The following ZNF143 variants were observed in gnomAD, a reference collection of about 807,000 sequenced individuals.
ZNF143 encodes SPH-binding factor.
ZNF143 carries 49 observed loss-of-function variants against 74.1 expected under a neutral mutation model. The ratio of observed to expected loss-of-function variants is 0.66; its 90% confidence interval spans 0.53 to 0.84. ZNF143 has a LOEUF of 0.84. Among genes scored for constraint, ZNF143 ranks in the 40% least tolerant of loss-of-function variants. ZNF143 has a pLI of 0.00. For synonymous variants in ZNF143, 304 were observed against 282.8 expected (o/e 1.07, Z -0.75); for missense variants, 637 against 793.4 (o/e 0.80, Z 2.37).
At position 9,494,739 on chromosome 11, in the gene ZNF143, TTA is replaced by T. The variant is rs1396657429; in HGVS notation, c.744_745del (p.Thr249AsnfsTer9). 6.2e-7 allele frequency: 1 copy of T among 1,611,934 alleles called. No individual in the cohort carries two copies. Among genetic ancestry groups the T allele is most frequent in the Admixed American group, 1.7e-5 (1 of 60,010 alleles). ...FRCEYDGCGK[L>X]YTTAHHLKVH... is the part of the protein sequence containing the mutation. ...ATGTGAATATGATGGATGTGGAAAA[TTA>T]TATACAACAGCTCATCATCTCAAGG... On this transcript the variant is annotated frameshift_variant, in exon 8 of 16. Transcript: ENST00000396602. LOFTEE classifies it high-confidence loss of function.
chr11:9,517,168 G>T (rs1848753196), intron 14 of ZNF143, among the ~76,000 whole-genome samples: 1 of 151,764 alleles, frequency 6.6e-6, no homozygotes, highest in Non-Finnish European at 1.5e-5. Context: ...GGGATTACAG[G>T]CATGAGCCAC....
chr11:9,465,831 C>A (rs1380521856), intron 1 of ZNF143, among the ~76,000 whole-genome samples: 1 of 151,468 alleles, frequency 6.6e-6, no homozygotes, highest in Non-Finnish European at 1.5e-5. Context: ...TGTTTGTTTT[C>A]TTTTTTTGCT....
At chr11:9,474,434 A>G in intron 4 of ZNF143, 116 bp from the exon 5 acceptor site, 2 of 1,020,848 alleles carry the variant, frequency 2.0e-6, no homozygotes, top group Non-Finnish European at 3.0e-6. Flanking sequence ...TCAAAGACTC[A>G]TGAAGCAAGT....
rs1249672274 is a variant in ZNF143 at position 9,484,627 on chromosome 11, T to A, written c.645+5081T>A. ...GGTGTTTTTTTTTTTTTGTTTATTT[T>A]TTGTTTTTTGAGATGGAGTCTCACT... On this transcript the variant is annotated intron_variant, in intron 7 of 15. Coordinates refer to ENST00000396602, the MANE Select transcript of ZNF143 (RefSeq NM_003442.6). 2.0e-5 allele frequency among the ~76,000 whole-genome samples: 3 copies of A among 148,646 alleles called. 1 individual carries two copies. Among genetic ancestry groups the A allele is most frequent in the African/African-American group, 5.1e-5 (2 of 39,422 alleles).
At chr11:9,515,663 AAAAAAGAAAAAG>A (rs1325841434) in intron 13 of ZNF143, among the ~76,000 whole-genome samples, 1 of 146,578 alleles carries the variant, frequency 6.8e-6, no homozygotes. Context: ...CAAAAAAAAA[AAAAAAGAAAAAG>A]AAAAAGAAAA....
intron 12 of ZNF143, 134 bp downstream of exon 12, chr11:9,508,980 C>T: frequency 1.1e-6 from 1 of 944,088 alleles, no homozygotes; most frequent in Non-Finnish European, 1.6e-6. Flanking sequence ...TTTACAGCTG[C>T]AGTAAGTGCT....
intron 7 of ZNF143, among the ~76,000 whole-genome samples, chr11:9,483,289 T>TTTTA (rs1554963677): frequency 5.4e-5 from 2 of 37,066 alleles, no homozygotes; most frequent in African/African-American, 2.6e-4. Context: ...CCAACATGCC[T>TTTTA]TTTTTTTTTT....
intron 11 of ZNF143, among the ~76,000 whole-genome samples, chr11:9,507,193 C>G (rs117673703): frequency 3.3e-5 from 5 of 152,096 alleles, no homozygotes; most frequent in Non-Finnish European, 7.4e-5. Context: ...AGAACCACTG[C>G]GAAAGGTGCA....
At chr11:9,478,868 A>C (rs920571517) in intron 6 of ZNF143, among the ~76,000 whole-genome samples, 1 of 152,170 alleles carries the variant, frequency 6.6e-6, no homozygotes, top group Admixed American at 6.5e-5. Flanking sequence ...CATTTATCTT[A>C]AGTGAAGTGT....
chr11:9,473,995 A>T lies in ZNF143; in HGVS notation c.260A>T (p.Tyr87Phe), dbSNP rs1856737782. The change falls in exon 4 of 16, where the codon TAT becomes TTT. Residue 87 changes from tyrosine to phenylalanine, a missense_variant. Tyr to Phe is a conservative substitution (Grantham distance 22, BLOSUM62 3). Transcript: ENST00000396602. ...CAGTTGGAAGATGGTTCTGCGGCCT[A>T]TGTTCAACATGTACCCATACCTAAA... ...VIQLEDGSAAYVQHVPIPKST... is the reference protein window; with the variant it reads ...VIQLEDGSAAFVQHVPIPKST... 1 of 1,613,724 alleles carries T rather than the reference A, an allele frequency of 6.2e-7. No individual in the cohort carries two copies. The highest frequency in any genetic ancestry group is 1.1e-5 in the South Asian group (1 of 91,082).
intron 11 of ZNF143, among the ~76,000 whole-genome samples, chr11:9,505,994 A>G (rs1020423573): frequency 6.6e-6 from 1 of 151,310 alleles, no homozygotes; most frequent in Non-Finnish European, 1.5e-5. Context: ...GGCTTTTTGG[A>G]TGGGCTGGGA....
chr11:9,522,936 T>G (rs1848989155), intron 14 of ZNF143, among the ~76,000 whole-genome samples: 1 of 150,972 alleles, frequency 6.6e-6, no homozygotes, highest in Non-Finnish European at 1.5e-5. Flanking sequence ...TAATTTTTTG[T>G]ATTTTTTTTT....
At position 9,463,559 on chromosome 11, in the gene ZNF143, C is replaced by T. The variant is rs931830673; in HGVS notation, c.-8+2483C>T. ...TGTTGAGCATTTTTTCTGTGCCTAACGATCATTTATAATCATTGGAGAAAT... is the reference window on the plus strand; with the variant it reads ...TGTTGAGCATTTTTTCTGTGCCTAATGATCATTTATAATCATTGGAGAAAT... On this transcript the variant is annotated intron_variant, in intron 1 of 15. Coordinates refer to ENST00000396602, the MANE Select transcript of ZNF143 (RefSeq NM_003442.6). Among the ~76,000 whole-genome samples, 3 of 152,262 alleles carry T rather than the reference C, an allele frequency of 2.0e-5. No homozygotes were observed. In the East Asian group the frequency reaches 5.8e-4, roughly 29 times the overall value.
chr11:9,479,368 T>C (rs1235357300), intron 6 of ZNF143, 104 bp from the exon 7 acceptor site: 1 of 826,402 alleles, frequency 1.2e-6, no homozygotes, highest in East Asian at 3.2e-5. Flanking sequence ...TACTTTTTTT[T>C]CTTTTTCTTT....
intron 7 of ZNF143, among the ~76,000 whole-genome samples, chr11:9,481,332 A>AGCTGATTGT (rs1194531098): frequency 1.3e-5 from 2 of 152,038 alleles, no homozygotes; most frequent in East Asian, 3.9e-4. Flanking sequence ...AGTTATAGTG[A>AGCTGATTGT]GCTGATTGTG....
Position 9,527,739 on chromosome 11 carries a change from C to T in ZNF143, c.*126C>T, listed in dbSNP as rs1250742832. The T allele has an allele frequency of 1.6e-5, 12 of 767,870 alleles. No homozygotes were observed. Among genetic ancestry groups the T allele is most frequent in the South Asian group, 5.3e-5 (3 of 56,174 alleles). 47.6% of individuals were successfully genotyped at this position (767,870 alleles called of 1,614,324 possible). A position where few individuals can be genotyped will look rare whatever the true frequency, so the allele number is the denominator to read the frequency against. ...CTGATACACTGTACACATTTTTATG[C>T]GAGAGTGGAGAACATTTTATTCTTG... On this transcript the variant is annotated 3_prime_UTR_variant, in exon 16 of 16. Coordinates refer to ENST00000396602, the MANE Select transcript of ZNF143 (RefSeq NM_003442.6).
chr11:9,473,005 A>G (rs1856674396), intron 3 of ZNF143, among the ~76,000 whole-genome samples: 1 of 151,628 alleles, frequency 6.6e-6, no homozygotes. Flanking sequence ...AGAGGAGAGC[A>G]GGGAGTATGT....
intron 10 of ZNF143, among the ~76,000 whole-genome samples, chr11:9,498,424 C>G (rs997514423): frequency 6.6e-6 from 1 of 152,194 alleles, no homozygotes; most frequent in Non-Finnish European, 1.5e-5. Flanking sequence ...CGAGCTGAGA[C>G]AGAACCTAAG....
intron 7 of ZNF143, 63 bp from the exon 8 acceptor site, chr11:9,494,581 GAT>G: frequency 2.6e-6 from 4 of 1,538,726 alleles, no homozygotes; most frequent in Non-Finnish European, 3.5e-6. Flanking sequence ...CATGTGCTAA[GAT>G]TACTGGCATG....
Sources: allele counts gnomAD v4.1 joint callset (sites outside exome capture counted in the v4.1 genomes callset), GRCh38; gene constraint gnomAD v4.1.1; transcripts MANE v1.5; gene names NCBI Gene and HGNC (gene_info 2026-07-23, HGNC 2026-07-21).